Variants in CNOT4 observed in about 807,000 individuals in gnomAD.
CNOT4 encodes CCR4-associated factor 4.
CNOT4 carries 8 observed loss-of-function variants against 73.8 expected under a neutral mutation model. The observed-to-expected ratio is 0.11, with a 90% CI of 0.06 to 0.20. The LOEUF is 0.20. CNOT4 is among the 10% of genes least tolerant of loss of function. The pLI, the probability that CNOT4 is intolerant of heterozygous loss-of-function variation, is 1.00. For missense variants in CNOT4, 564 were observed against 883.4 expected (o/e 0.64, Z 4.58); for synonymous variants, 293 against 321.1 (o/e 0.91, Z 0.94).
intron 1 of CNOT4, among the ~76,000 whole-genome samples, chr7:135,480,315 C>T (rs543728515): frequency 6.6e-6 from 1 of 152,334 alleles, no homozygotes; most frequent in East Asian, 1.9e-4. Flanking sequence ...CCTCCATTCT[C>T]TAAATCCTAG....
At chr7:135,456,219 A>C (rs1417231759) in intron 1 of CNOT4, among the ~76,000 whole-genome samples, 2 of 152,210 alleles carry the variant, frequency 1.3e-5, no homozygotes, top group South Asian at 2.1e-4. Flanking sequence ...AATTTCAGTT[A>C]ATTTTCTCAT....
Position 135,473,340 on chromosome 7 carries a change from A to C in CNOT4, c.-92-34917T>G, listed in dbSNP as rs559638932. ...AAAGCAATAAGGAAAAAGTGGAGCT[A>C]CCCTAATAATTTTTGGCTAAATAAA... On this transcript the variant is annotated intron_variant, in intron 1 of 11. Transcript: ENST00000541284. 1.1e-4 allele frequency among the ~76,000 whole-genome samples: 17 copies of C among 152,350 alleles called. No individual in the cohort carries two copies. The East Asian group carries it at 3.1e-3, about 28-fold the overall frequency.
intron 1 of CNOT4, among the ~76,000 whole-genome samples, chr7:135,448,490 G>A (rs1176114384): frequency 1.4e-5 from 2 of 141,986 alleles, no homozygotes; most frequent in African/African-American, 5.1e-5. Flanking sequence ...GTTGCGGTGA[G>A]CAGAGAATCA....
Position 135,504,726 on chromosome 7 carries a change from T to G in CNOT4, c.-93+5163A>C, listed in dbSNP as rs1313570529. 1.6e-5 allele frequency among the ~76,000 whole-genome samples: 2 copies of G among 123,828 alleles called. 1 individual carries two copies. The highest frequency in any genetic ancestry group is 3.4e-5 in the Non-Finnish European group (2 of 58,584). 81.2% of individuals were successfully genotyped at this position (123,828 alleles called of 152,430 possible). A position where few individuals can be genotyped will look rare whatever the true frequency, so the allele number is the denominator to read the frequency against. ...TGGTCTCGATCTCCTGATCTCGTGA[T>G]CCGCCCGCCTCGGCCTCCCAAAGTG... On this transcript the variant is annotated intron_variant, in intron 1 of 11. Transcript: ENST00000541284.
At chr7:135,396,082 G>A (rs1177376889) in intron 8 of CNOT4, among the ~76,000 whole-genome samples, 199 bp from the exon 9 acceptor site, 2 of 142,438 alleles carry the variant, frequency 1.4e-5, no homozygotes, top group Non-Finnish European at 3.0e-5. Flanking sequence ...ATATTAATCT[G>A]CTTGAAAAGA....
At chr7:135,500,707 A>C (rs1423747528) in intron 1 of CNOT4, among the ~76,000 whole-genome samples, 2 of 152,206 alleles carry the variant, frequency 1.3e-5, no homozygotes, top group Non-Finnish European at 2.9e-5. Flanking sequence ...GCCCTACTTC[A>C]TCAGAATTTT....
At chr7:135,453,356 C>T (rs1055228225) in intron 1 of CNOT4, among the ~76,000 whole-genome samples, 3 of 151,934 alleles carry the variant, frequency 2.0e-5, no homozygotes, top group African/African-American at 7.3e-5. Context: ...GTCAGCTAGT[C>T]ACTTACATTC....
chr7:135,389,178 A>G (rs958568024), intron 10 of CNOT4, among the ~76,000 whole-genome samples: 5 of 126,106 alleles, frequency 4.0e-5, no homozygotes, highest in African/African-American at 1.2e-4. Flanking sequence ...AAAAAAAAAA[A>G]GACCAGGAAA....
intron 1 of CNOT4, chr7:135,444,903 A>G: frequency 3.7e-6 from 6 of 1,602,642 alleles, no homozygotes; most frequent in Non-Finnish European, 4.3e-6. Flanking sequence ...GGGCATCTGC[A>G]AAGCTGTTGC....
intron 7 of CNOT4, 102 bp from the exon 8 acceptor site, chr7:135,398,328 TAAC>T: frequency 3.0e-6 from 2 of 672,438 alleles, no homozygotes; most frequent in Non-Finnish European, 5.3e-6. Flanking sequence ...TTTACCATCT[TAAC>T]AAATGTTTAT....
chr7:135,509,271 T>C (rs1804578154), intron 1 of CNOT4: 1 of 152,118 alleles, frequency 6.6e-6, no homozygotes, highest in African/African-American at 2.4e-5. Flanking sequence ...ATGACAGATG[T>C]GGTGGAAGGA....
intron 7 of CNOT4, among the ~76,000 whole-genome samples, chr7:135,398,620 C>T (rs1796832948): frequency 6.6e-6 from 1 of 151,950 alleles, no homozygotes; most frequent in Admixed American, 6.6e-5. Flanking sequence ...GAGTTTTCAA[C>T]TAGGGATACT....
intron 10 of CNOT4, among the ~76,000 whole-genome samples, chr7:135,385,964 A>C (rs1345716365): frequency 6.6e-6 from 1 of 152,186 alleles, no homozygotes; most frequent in African/African-American, 2.4e-5. Flanking sequence ...AGTACACAAA[A>C]GTAACACATG....
At chr7:135,393,504 T>C (rs1416788281) in intron 10 of CNOT4, among the ~76,000 whole-genome samples, 2 of 152,170 alleles carry the variant, frequency 1.3e-5, no homozygotes, top group Non-Finnish European at 2.9e-5. Context: ...AGTGGCTTTA[T>C]CCCTCATGCT....
intron 4 of CNOT4, 42 bp from the exon 5 acceptor site, chr7:135,414,474 T>C (rs1340193018): frequency 1.1e-6 from 1 of 875,858 alleles, no homozygotes; most frequent in Non-Finnish European, 1.9e-6. Context: ...TAGTTAAAAA[T>C]TAAACAATAC....
intron 2 of CNOT4, among the ~76,000 whole-genome samples, 179 bp downstream of exon 2, chr7:135,437,979 G>A (rs116859965): frequency 2.6e-5 from 4 of 152,240 alleles, no homozygotes; most frequent in Non-Finnish European, 5.9e-5. Context: ...AAGCCAAGAC[G>A]TGGCCCTGAC....
intron 10 of CNOT4, among the ~76,000 whole-genome samples, chr7:135,392,785 GC>G (rs1213256359): frequency 6.6e-6 from 1 of 152,084 alleles, no homozygotes; most frequent in African/African-American, 2.4e-5. Context: ...TCTTAACCTA[GC>G]TACTCGTCTA....
At chr7:135,372,553 ATGTT>A (rs1795271892) in intron 10 of CNOT4, among the ~76,000 whole-genome samples, 1 of 132,742 alleles carries the variant, frequency 7.5e-6, no homozygotes, top group Non-Finnish European at 1.6e-5. Flanking sequence ...GTTTGCTACC[ATGTT>A]TTTTTTTTTT....
intron 2 of CNOT4, among the ~76,000 whole-genome samples, chr7:135,426,347 A>G (rs1345986356): frequency 6.6e-6 from 1 of 152,238 alleles, no homozygotes. Flanking sequence ...TCACGCCTGT[A>G]ATCCCAGCAC....
Sources: gnomAD v4.1 joint callset for allele counts (sites outside exome capture counted in the v4.1 genomes callset) on GRCh38, gnomAD v4.1.1 for gene constraint, MANE v1.5 for transcripts, NCBI Gene and HGNC (gene_info 2026-07-23, HGNC 2026-07-21) for gene names.